CAPN8: variants seen among roughly 807,000 people sequenced by gnomAD.
CAPN8 encodes the protein calpain 8, also known as calpain-8.
CAPN8 carries 87 observed loss-of-function variants against 80.9 expected under a neutral mutation model. The ratio of observed to expected loss-of-function variants is 1.07; its 90% CI spans 0.90 to 1.28. The LOEUF is 1.28. CAPN8 is among the 50% of genes most tolerant of loss of function. The pLI is 0.00. For synonymous variants in CAPN8, 299 were observed against 273.8 expected, an observed-to-expected ratio of 1.09 and a Z score of -0.91; for missense variants, 757 against 702.0, an observed-to-expected ratio of 1.08 and a Z score of -0.89.
intron 1 of CAPN8, among the ~76,000 whole-genome samples, 156 bp from the exon 2 acceptor site, chr1:223,654,555 C>T (rs904831235): frequency 1.3e-5 from 2 of 152,140 alleles, no homozygotes; most frequent in Non-Finnish European, 2.9e-5. Flanking sequence ...ACTCTGAAGC[C>T]CAGAGAGGGG....
At chr1:223,663,836 G>A (rs1314171230) in intron 1 of CAPN8, among the ~76,000 whole-genome samples, 2 of 152,152 alleles carry the variant, frequency 1.3e-5, no homozygotes, top group Non-Finnish European at 2.9e-5. Flanking sequence ...AAAGGGTAGA[G>A]GTAGCTAGCT....
intron 19 of CAPN8, among the ~76,000 whole-genome samples, chr1:223,543,638 A>G (rs1220400343): frequency 6.6e-6 from 1 of 152,164 alleles, no homozygotes; most frequent in African/African-American, 2.4e-5. Flanking sequence ...GATGGCAGAA[A>G]AACGCCTATT....
chr1:223,615,788 G>GA (rs757032327), intron 10 of CAPN8, 182 bp downstream of exon 10: 1 of 731,522 alleles, frequency 1.4e-6, no homozygotes, highest in South Asian at 1.5e-5. Context: ...CCATAGGAAT[G>GA]AATCTCTAAA....
chr1:223,632,533 G>T (rs1195889222), intron 2 of CAPN8, among the ~76,000 whole-genome samples: 1 of 151,898 alleles, frequency 6.6e-6, no homozygotes, highest in South Asian at 2.1e-4. Flanking sequence ...CCACCATGCC[G>T]AGCTATTTTT....
At position 223,628,116 on chromosome 1, in the gene CAPN8, C is replaced by T; in HGVS notation, c.453G>A (p.Glu151=). 1.9e-6 allele frequency: 3 copies of T among 1,550,462 alleles called. No individual in the cohort carries two copies. Among genetic ancestry groups the T allele is most frequent in the Non-Finnish European group, 2.6e-6 (3 of 1,146,530 alleles). ...TGGGCAGCCTGTCGTCAATGACCACCTCCACCCACTCTCCGTACTGCCAGA... is the reference window on the plus strand; with the variant it reads ...TGGGCAGCCTGTCGTCAATGACCACTTCCACCCACTCTCCGTACTGCCAGA... ...FQFWQYGEWV[E]VVIDDRLPTK... The change falls in exon 4 of 21, where the codon GAG becomes GAA. Residue 151 remains glutamate (E), a synonymous_variant. Transcript: ENST00000366872.
At chr1:223,647,751 A>C (rs886119547) in intron 2 of CAPN8, among the ~76,000 whole-genome samples, 1 of 152,240 alleles carries the variant, frequency 6.6e-6, no homozygotes, top group Admixed American at 6.5e-5. Context: ...CCATAAAAAA[A>C]CAATTATACT....
At chr1:223,624,672 CA>C (rs1359474691) in intron 6 of CAPN8, among the ~76,000 whole-genome samples, 2 of 151,896 alleles carry the variant, frequency 1.3e-5, no homozygotes, top group Non-Finnish European at 2.9e-5. Context: ...CAAGATCATG[CA>C]ACTGCAGTCC....
chr1:223,632,958 C>T (rs1048334070), intron 2 of CAPN8, among the ~76,000 whole-genome samples: 2 of 152,148 alleles, frequency 1.3e-5, no homozygotes, highest in African/African-American at 4.8e-5. Context: ...CTGGAAAGTC[C>T]ACACTGTGCT....
At chr1:223,548,152 G>A (rs1040652603) in intron 16 of CAPN8, among the ~76,000 whole-genome samples, 1 of 152,124 alleles carries the variant, frequency 6.6e-6, no homozygotes, top group Admixed American at 6.5e-5. Flanking sequence ...CCACAGTAAA[G>A]ATCATCATGG....
chr1:223,659,089 A>G (rs1344095692), intron 1 of CAPN8, among the ~76,000 whole-genome samples: 1 of 152,140 alleles, frequency 6.6e-6, no homozygotes, highest in African/African-American at 2.4e-5. Flanking sequence ...ATCTCAAAAC[A>G]CTCCATAAAT....
chr1:223,621,388 G>A (rs1657388243), intron 7 of CAPN8, among the ~76,000 whole-genome samples: 1 of 151,962 alleles, frequency 6.6e-6, no homozygotes, highest in Admixed American at 6.6e-5. Context: ...GGGCCTCCAG[G>A]ACTTGACAGT....
intron 16 of CAPN8, 48 bp downstream of exon 16, chr1:223,549,270 A>G (rs779444412): frequency 3.3e-6 from 5 of 1,531,648 alleles, no homozygotes; most frequent in Non-Finnish European, 2.6e-6. Context: ...GTCTTTAAAA[A>G]CCGGACGAAA....
At chr1:223,626,474 A>T (rs1228637488) in intron 5 of CAPN8, among the ~76,000 whole-genome samples, 1 of 152,168 alleles carries the variant, frequency 6.6e-6, no homozygotes, top group Non-Finnish European at 1.5e-5. Flanking sequence ...CGAGGTGGTG[A>T]CAGGACCTCA....
Position 223,541,669 on chromosome 1 carries a change from G to A in CAPN8, c.*167C>T, listed in dbSNP as rs77880836. On this transcript the variant is annotated 3_prime_UTR_variant, in exon 21 of 21. Coordinates refer to ENST00000366872, the MANE Select transcript of CAPN8 (RefSeq NM_001143962.2). ...TTCCCTCCACTGGGCCCACCGGGTC[G>A]GCTTACATAGCTCATAGCTCAGTGC... 1,198 of 1,047,704 alleles carry A rather than the reference G, an allele frequency of 1.1e-3. 17 individuals are homozygous for A. In the East Asian group the frequency reaches 0.026, roughly 23 times the overall value. 64.9% of individuals were successfully genotyped at this position (1,047,704 alleles called of 1,614,324 possible).
intron 11 of CAPN8, among the ~76,000 whole-genome samples, chr1:223,610,446 G>A (rs557996496): frequency 6.6e-6 from 1 of 152,308 alleles, no homozygotes; most frequent in Admixed American, 6.5e-5. Flanking sequence ...TGCTGGTGGT[G>A]TGGCCAGAGA....
chr1:223,618,223 G>T, intron 9 of CAPN8: 1 of 1,550,426 alleles, frequency 6.4e-7, no homozygotes, highest in South Asian at 1.2e-5. Context: ...GAGATGTGGG[G>T]CTGTCTTCCT....
intron 2 of CAPN8, among the ~76,000 whole-genome samples, chr1:223,633,435 G>A (rs1657829386): frequency 6.6e-6 from 1 of 151,922 alleles, no homozygotes; most frequent in East Asian, 1.9e-4. Context: ...GCCAAGGCAG[G>A]TGGATCACTT....
chr1:223,545,344 G>A (rs1431727860), intron 16 of CAPN8, 45 bp from the exon 17 acceptor site: 1 of 1,551,142 alleles, frequency 6.4e-7, no homozygotes, highest in South Asian at 1.2e-5. Context: ...AATTCTACAT[G>A]CCTTATAGAT....
chr1:223,614,271 G>A (rs547203087), intron 10 of CAPN8, among the ~76,000 whole-genome samples: 1 of 152,224 alleles, frequency 6.6e-6, no homozygotes, highest in Non-Finnish European at 1.5e-5. Context: ...GTGGTGGCAC[G>A]CACCTGTAAT....
Sources: gnomAD v4.1 joint callset for allele counts (sites outside exome capture counted in the v4.1 genomes callset) on GRCh38, gnomAD v4.1.1 for gene constraint, MANE v1.5 for transcripts, NCBI Gene and HGNC (gene_info 2026-07-23, HGNC 2026-07-21) for gene names.